RBFOX1: variants seen among roughly 807,000 people sequenced by gnomAD.
The protein encoded by RBFOX1 is RNA binding fox-1 homolog 1.
A neutral mutation model predicts 57.7 loss-of-function variants in RBFOX1; 8 were observed. The observed-to-expected ratio is 0.14, with a 90% CI of 0.08 to 0.25. The LOEUF is 0.25. Ranked by LOEUF, RBFOX1 falls within the 10% of genes least tolerant of loss-of-function variation. The pLI, the probability that RBFOX1 is intolerant of heterozygous loss-of-function variation, is 1.00. For synonymous variants in RBFOX1, 326 were observed against 222.4 expected, an observed-to-expected ratio of 1.47 and a Z score of -4.15; for missense variants, 611 against 548.5, an observed-to-expected ratio of 1.11 and a Z score of -1.14.
Position 6,019,361 on chromosome 16 carries a change from G to C in RBFOX1, c.-758G>C. The C allele has an allele frequency of 2.0e-6, 2 of 985,382 alleles. No homozygotes were observed. Among genetic ancestry groups the C allele is most frequent in the East Asian group, 1.2e-4 (1 of 8,658 alleles). 61.0% of individuals were successfully genotyped at this position (985,382 alleles called of 1,614,324 possible). A position where few individuals can be genotyped will look rare whatever the true frequency, so the allele number is the denominator to read the frequency against. The stretch of plus-strand genomic sequence containing the variant: ...CGCCTCCTCCAGCCAGAGTCGGTGG[G>C]ACTGGCTGCGCTGCCCTGAAGTGGT... On this transcript the variant is annotated 5_prime_UTR_variant, in exon 1 of 16. Coordinates refer to ENST00000550418, the MANE Select transcript of RBFOX1 (RefSeq NM_018723.4). This position sits in a 1 kb window ranked among gnomAD's most constrained non-coding sequence, Gnocchi z 4.2.
At chr16:6,833,553 A>G (rs1400413233) in intron 3 of RBFOX1, among the ~76,000 whole-genome samples, 1 of 152,116 alleles carries the variant, frequency 6.6e-6, no homozygotes, top group Admixed American at 6.5e-5. Context: ...CTACTCTCTG[A>G]CAGTCTGACC....
intron 4 of RBFOX1, among the ~76,000 whole-genome samples, chr16:7,220,701 G>C (rs1423548793): frequency 1.3e-5 from 2 of 152,110 alleles, no homozygotes; most frequent in African/African-American, 4.8e-5. Context: ...ATTGTGATCT[G>C]TGAACTTGCC....
chr16:6,997,535 C>T (rs1479520791), intron 3 of RBFOX1, among the ~76,000 whole-genome samples: 1 of 152,120 alleles, frequency 6.6e-6, no homozygotes, highest in Admixed American at 6.5e-5. Flanking sequence ...TTTCCAATTT[C>T]CCACAGAGTT....
intron 4 of RBFOX1, among the ~76,000 whole-genome samples, chr16:7,198,843 T>C (rs764995141): frequency 4.6e-5 from 7 of 152,204 alleles, no homozygotes; most frequent in African/African-American, 1.7e-4. Context: ...GGGGGACACA[T>C]TGAAACCATA....
chr16:5,436,287 C>T (rs1212829290), intron 1 of RBFOX1, among the ~76,000 whole-genome samples: 1 of 152,144 alleles, frequency 6.6e-6, no homozygotes, highest in Admixed American at 6.5e-5. Flanking sequence ...ACCATTTGGT[C>T]ATTTGGTGCC....
At chr16:6,227,604 C>T (rs1183286340) in intron 1 of RBFOX1, among the ~76,000 whole-genome samples, 2 of 151,640 alleles carry the variant, frequency 1.3e-5, no homozygotes, top group East Asian at 3.9e-4. Context: ...TTCCTCTTGC[C>T]TGGAAGAAGT....
intron 4 of RBFOX1, among the ~76,000 whole-genome samples, chr16:7,072,603 A>C (rs954779774): frequency 3.9e-5 from 6 of 152,256 alleles, no homozygotes; most frequent in African/African-American, 1.4e-4. Flanking sequence ...GCTACAAGAT[A>C]ACCGTTATTC....
intron 4 of RBFOX1, among the ~76,000 whole-genome samples, chr16:7,270,799 C>T (rs1168646895): frequency 6.6e-6 from 1 of 152,136 alleles, no homozygotes. Flanking sequence ...TTCTTCCTTC[C>T]CTATCAACTT....
chr16:7,604,915 A>C (rs764484945), intron 9 of RBFOX1, among the ~76,000 whole-genome samples: 4 of 152,172 alleles, frequency 2.6e-5, no homozygotes, highest in Non-Finnish European at 4.4e-5. Flanking sequence ...TCCACTACCA[A>C]TAAGAGGTAG....
At chr16:7,342,079 C>A (rs950339613) in intron 4 of RBFOX1, among the ~76,000 whole-genome samples, 1 of 152,060 alleles carries the variant, frequency 6.6e-6, no homozygotes, top group African/African-American at 2.4e-5. Flanking sequence ...CCTATTTCTT[C>A]TTATTTCCTG....
intron 4 of RBFOX1, among the ~76,000 whole-genome samples, chr16:7,133,306 G>C (rs1366712508): frequency 1.3e-5 from 2 of 152,188 alleles, no homozygotes; most frequent in African/African-American, 4.8e-5. Flanking sequence ...CACTTGAAAA[G>C]CTTTGGCTTT....
At chr16:7,121,905 G>A (rs1013387576) in intron 4 of RBFOX1, among the ~76,000 whole-genome samples, 54 of 151,318 alleles carry the variant, frequency 3.6e-4, no homozygotes, top group African/African-American at 1.3e-3. Flanking sequence ...TCTTAGAAAA[G>A]GTACAAAATC....
intron 4 of RBFOX1, among the ~76,000 whole-genome samples, chr16:7,147,464 C>G (rs904961599): frequency 1.3e-5 from 2 of 152,012 alleles, no homozygotes; most frequent in Non-Finnish European, 2.9e-5. Context: ...CAACCCCGGC[C>G]TTCCCACTCC....
At chr16:5,690,985 C>A (rs577165812) in intron 3 of RBFOX1, among the ~76,000 whole-genome samples, 1 of 152,104 alleles carries the variant, frequency 6.6e-6, no homozygotes, top group Non-Finnish European at 1.5e-5. Context: ...AGCAGGTAAT[C>A]CAGTGCAGCC....
intron 4 of RBFOX1, among the ~76,000 whole-genome samples, chr16:7,196,565 A>G (rs1466179017): frequency 1.3e-5 from 2 of 152,206 alleles, no homozygotes; most frequent in South Asian, 2.1e-4. Context: ...CACCCTGACA[A>G]CAATCCTGAG....
intron 5 of RBFOX1, among the ~76,000 whole-genome samples, chr16:7,524,014 A>G (rs1457246561): frequency 2.0e-5 from 3 of 152,180 alleles, no homozygotes; most frequent in East Asian, 1.9e-4. Flanking sequence ...ATTTGCACAA[A>G]AAGTTACTAT....
At chr16:5,358,282 G>A (rs1415313239) in intron 1 of RBFOX1, among the ~76,000 whole-genome samples, 1 of 151,970 alleles carries the variant, frequency 6.6e-6, no homozygotes, top group Non-Finnish European at 1.5e-5. Flanking sequence ...TAGTTTTATG[G>A]GATTAGGGCC....
intron 2 of RBFOX1, among the ~76,000 whole-genome samples, chr16:6,633,271 C>T (rs1416610898): frequency 6.6e-6 from 1 of 151,886 alleles, no homozygotes; most frequent in Non-Finnish European, 1.5e-5. Context: ...GTTCTTGAGT[C>T]TTTATTTTTA....
At chr16:7,276,384 C>G (rs753137843) in intron 4 of RBFOX1, among the ~76,000 whole-genome samples, 1 of 152,154 alleles carries the variant, frequency 6.6e-6, no homozygotes, top group East Asian at 1.9e-4. Flanking sequence ...CCAGAAAAAA[C>G]AAGGCTAGAC....
Sources: gnomAD v4.1 joint callset for allele counts (sites outside exome capture counted in the v4.1 genomes callset) on GRCh38, gnomAD v4.1.1 for gene constraint, Gnocchi (gnomAD v3.1) non-coding constraint, MANE v1.5 for transcripts, NCBI Gene and HGNC (gene_info 2026-07-23, HGNC 2026-07-21) for gene names.